The following ARHGEF28 variants were observed in gnomAD, a reference collection of about 807,000 sequenced individuals.
ARHGEF28 encodes the protein 190 kDa guanine nucleotide exchange factor.
A neutral mutation model predicts 206.6 loss-of-function variants in ARHGEF28; 152 were observed. The observed-to-expected ratio is 0.74, with a 90% CI of 0.64 to 0.84. The LOEUF (loss-of-function observed/expected upper bound fraction) is 0.84, where lower values mean the gene tolerates loss of function less well. ARHGEF28 is among the 40% of genes least tolerant of loss of function. The pLI is 0.00. For missense variants in ARHGEF28, 2,028 were observed against 2,073.2 expected (o/e 0.98, Z 0.42); for synonymous variants, 763 against 776.4 (o/e 0.98, Z 0.29).
chr5:73,933,727 G>A (rs139504036), intron 35 of ARHGEF28, among the ~76,000 whole-genome samples: 1 of 151,998 alleles, frequency 6.6e-6, no homozygotes, highest in South Asian at 2.1e-4. Flanking sequence ...CTTGCATTGG[G>A]CTCTCTTAAA....
chr5:73,637,581 TG>T (rs150972827), intron 1 of ARHGEF28, among the ~76,000 whole-genome samples: 1,904 of 152,378 alleles, frequency 0.012, 38 homozygotes, highest in African/African-American at 0.043. Flanking sequence ...GGATTTTACT[TG>T]CTGAGTGTAG....
At chr5:73,853,469 G>A (rs184016032) in intron 14 of ARHGEF28, among the ~76,000 whole-genome samples, 1 of 152,170 alleles carries the variant, frequency 6.6e-6, no homozygotes, top group Admixed American at 6.5e-5. Flanking sequence ...TTTAGTATAC[G>A]GATCAAGATG....
At chr5:73,894,667 A>G (rs1169760678) in intron 29 of ARHGEF28, 92 bp downstream of exon 29, 1 of 1,388,796 alleles carries the variant, frequency 7.2e-7, no homozygotes, top group African/African-American at 1.5e-5. Context: ...CTTGGTGCTG[A>G]GGATACAGCA....
At chr5:73,680,350 T>G (rs4704093) in intron 1 of ARHGEF28, among the ~76,000 whole-genome samples, 72,032 of 148,886 alleles carry the variant, frequency 0.48, 18,038 homozygotes, top group East Asian at 0.78. Flanking sequence ...TAGGAGAATT[T>G]CTTGAACCTG....
intron 9 of ARHGEF28, among the ~76,000 whole-genome samples, chr5:73,810,318 G>A (rs993021736): frequency 6.6e-6 from 1 of 152,130 alleles, no homozygotes; most frequent in East Asian, 1.9e-4. Flanking sequence ...TGGTTAGGTC[G>A]TTCAATACTG....
chr5:73,725,156 A>G (rs1396258497), intron 2 of ARHGEF28, among the ~76,000 whole-genome samples: 1 of 152,180 alleles, frequency 6.6e-6, no homozygotes, highest in African/African-American at 2.4e-5. Context: ...TTTGTTTCAC[A>G]AATATTTTCT....
chr5:73,668,970 G>GT (rs903208665), intron 1 of ARHGEF28, among the ~76,000 whole-genome samples: 20 of 151,278 alleles, frequency 1.3e-4, no homozygotes, highest in South Asian at 4.2e-4. Context: ...CCAGAAGAAT[G>GT]TTTTTTTTTC....
At chr5:73,757,728 G>T (rs1250397239) in intron 4 of ARHGEF28, among the ~76,000 whole-genome samples, 1 of 152,118 alleles carries the variant, frequency 6.6e-6, no homozygotes, top group African/African-American at 2.4e-5. Context: ...AATAAAATTG[G>T]ATTTCTAGTT....
intron 16 of ARHGEF28, among the ~76,000 whole-genome samples, chr5:73,862,804 A>T (rs1759475591): frequency 6.6e-6 from 1 of 151,444 alleles, no homozygotes; most frequent in African/African-American, 2.4e-5. Context: ...CTCTACCTAC[A>T]GTTTTTTAGA....
chr5:73,724,908 C>T (rs186003435), intron 2 of ARHGEF28, among the ~76,000 whole-genome samples: 1 of 152,138 alleles, frequency 6.6e-6, no homozygotes, highest in African/African-American at 2.4e-5. Context: ...TAAATAAATA[C>T]CTGGGAGTAG....
chr5:73,754,634 A>C (rs905519907), intron 4 of ARHGEF28, among the ~76,000 whole-genome samples: 3 of 152,182 alleles, frequency 2.0e-5, no homozygotes, highest in African/African-American at 7.2e-5. Context: ...TTTTTAATAA[A>C]GTATTTAATA....
At chr5:73,757,277 A>C (rs370518497) in intron 4 of ARHGEF28, among the ~76,000 whole-genome samples, 5 of 142,206 alleles carry the variant, frequency 3.5e-5, no homozygotes, top group African/African-American at 1.4e-4. Flanking sequence ...CAGGTGGAAA[A>C]CAATTTCTTT....
chr5:73,932,958 G>A (rs190783496), intron 35 of ARHGEF28, among the ~76,000 whole-genome samples: 308 of 151,442 alleles, frequency 2.0e-3, no homozygotes, highest in African/African-American at 6.9e-3. Flanking sequence ...ACAGGCGCGC[G>A]CCACCATGCC....
chr5:73,767,959 C>T (rs1302834249), intron 4 of ARHGEF28, among the ~76,000 whole-genome samples: 6 of 152,096 alleles, frequency 3.9e-5, no homozygotes, highest in Non-Finnish European at 7.3e-5. Flanking sequence ...CCCAGCTGCT[C>T]CAGCCGTAGC....
intron 35 of ARHGEF28, among the ~76,000 whole-genome samples, chr5:73,920,753 G>A (rs1763479557): frequency 1.3e-5 from 2 of 151,992 alleles, no homozygotes; most frequent in South Asian, 4.2e-4. Flanking sequence ...TTTTCCGTTA[G>A]AATATTGTAT....
chr5:73,909,248 C>T (rs955036044), intron 33 of ARHGEF28, 164 bp from the exon 34 acceptor site: 51 of 1,001,892 alleles, frequency 5.1e-5, no homozygotes, highest in South Asian at 1.6e-4. Context: ...CTCTCTGGAA[C>T]GCCAAAAACC....
intron 7 of ARHGEF28, among the ~76,000 whole-genome samples, chr5:73,786,056 C>CAAA (rs61560155): frequency 6.5e-5 from 5 of 76,478 alleles, no homozygotes; most frequent in African/African-American, 2.0e-4. Context: ...TGGCAGTAAC[C>CAAA]AAAAAAAAAA....
intron 10 of ARHGEF28, among the ~76,000 whole-genome samples, chr5:73,839,135 G>A (rs1757832144): frequency 6.6e-6 from 1 of 152,140 alleles, no homozygotes; most frequent in Non-Finnish European, 1.5e-5. Flanking sequence ...GATGATGGGT[G>A]CTTCTCAGTG....
At chr5:73,659,403 A>T (rs1580451226) in intron 1 of ARHGEF28, among the ~76,000 whole-genome samples, 1 of 152,004 alleles carries the variant, frequency 6.6e-6, no homozygotes, top group Non-Finnish European at 1.5e-5. Flanking sequence ...GGTGGCGGGC[A>T]CCTGTAGCCC....
Sources: allele counts gnomAD v4.1 joint callset (sites outside exome capture counted in the v4.1 genomes callset), GRCh38; gene constraint gnomAD v4.1.1; transcripts MANE v1.5; gene names NCBI Gene and HGNC (gene_info 2026-07-23, HGNC 2026-07-21).